The following ASAH2 variants were observed in gnomAD, a reference collection of about 807,000 sequenced individuals.
The protein encoded by ASAH2 is N-acylsphingosine amidohydrolase 2, also known as neutral ceramidase.
Under a neutral mutation model 82.9 loss-of-function variants are expected in ASAH2, and 58 were observed. That is an observed-to-expected ratio of 0.70 (90% confidence interval 0.57 to 0.87). The LOEUF is 0.87. ASAH2 is among the 40% of genes least tolerant of loss of function. ASAH2 has a pLI of 0.00. For missense variants in ASAH2, 779 were observed against 834.0 expected, an observed-to-expected ratio of 0.93 and a Z score of 0.81; for synonymous variants, 276 against 289.7, an observed-to-expected ratio of 0.95 and a Z score of 0.48.
At chr10:50,247,601 A>G (rs1450387059) in intron 2 of ASAH2, among the ~76,000 whole-genome samples, 1 of 152,162 alleles carries the variant, frequency 6.6e-6, no homozygotes, top group South Asian at 2.1e-4. Flanking sequence ...GAGAATGTGC[A>G]GGAAAAGAGA....
intron 16 of ASAH2, among the ~76,000 whole-genome samples, chr10:50,200,674 C>G (rs561907501): frequency 7.2e-5 from 11 of 152,070 alleles, no homozygotes; most frequent in African/African-American, 2.6e-4. Flanking sequence ...TTCCAGTGAT[C>G]TTGAGGGAAG....
intron 16 of ASAH2, among the ~76,000 whole-genome samples, chr10:50,202,142 A>G (rs1389089775): frequency 3.3e-5 from 5 of 152,132 alleles, no homozygotes; most frequent in African/African-American, 1.2e-4. Context: ...GTAGCAGGGC[A>G]GAGTCTACTC....
intron 2 of ASAH2, among the ~76,000 whole-genome samples, chr10:50,248,234 T>C (rs1846523343): frequency 6.6e-6 from 1 of 152,186 alleles, no homozygotes; most frequent in Non-Finnish European, 1.5e-5. Flanking sequence ...CTTAGATCAA[T>C]GGAAAAACTA....
chr10:50,236,753 A>AT (rs1416845563), intron 4 of ASAH2, among the ~76,000 whole-genome samples: 1 of 152,186 alleles, frequency 6.6e-6, no homozygotes. Context: ...AGCTGAGAAC[A>AT]TTGAATTATA....
intron 5 of ASAH2, among the ~76,000 whole-genome samples, chr10:50,234,967 T>C (rs1239969480): frequency 6.6e-6 from 1 of 152,054 alleles, no homozygotes; most frequent in Non-Finnish European, 1.5e-5. Context: ...CAAGGCAGAG[T>C]TGTTCAAACT....
intron 16 of ASAH2, among the ~76,000 whole-genome samples, chr10:50,200,367 C>T (rs1845107635): frequency 1.5e-4 from 23 of 151,022 alleles, no homozygotes; most frequent in African/African-American, 4.9e-4. Flanking sequence ...TTACCATCAC[C>T]CTCCGCATAC....
At chr10:50,247,826 T>C (rs1846508022) in intron 2 of ASAH2, among the ~76,000 whole-genome samples, 1 of 152,088 alleles carries the variant, frequency 6.6e-6, no homozygotes, top group African/African-American at 2.4e-5. Context: ...TCAAAAACTT[T>C]GTTTCCAACA....
rs990199807 is a variant in ASAH2 at position 50,217,601 on chromosome 10, G to A, written c.1014+909C>T. Among the ~76,000 whole-genome samples, 10 of 152,206 alleles carry A rather than the reference G, an allele frequency of 6.6e-5. 2 individuals carry two copies. In the East Asian group the frequency reaches 1.5e-3, roughly 24 times the overall value. On this transcript the variant is annotated intron_variant, in intron 8 of 20. Transcript: ENST00000682911. Reference sequence around the variant, plus strand: ...ATTTTTATTTTATTGGTAATAGCATGAGGCCCTCACCAGATGGAGTTGTTC... The same window carrying A: ...ATTTTTATTTTATTGGTAATAGCATAAGGCCCTCACCAGATGGAGTTGTTC...
In ASAH2 at chr10:50,235,781, A is replaced by G. The variant is rs1341451255; in HGVS notation, c.687+107T>C. 7 of 1,253,048 alleles carry G rather than the reference A, an allele frequency of 5.6e-6. No homozygotes were observed. The Admixed American group carries it at 1.0e-4, about 18-fold the overall frequency. 77.6% of individuals were successfully genotyped at this position (1,253,048 alleles called of 1,614,324 possible). On this transcript the variant is annotated intron_variant, in intron 5 of 20. Transcript: ENST00000682911. ...AGAAAGAATTGTACATGCTAATACT[A>G]TGCTCAGACCCAAATCCTATAGGGA...
intron 7 of ASAH2, among the ~76,000 whole-genome samples, chr10:50,229,982 A>G (rs1175971826): frequency 1.3e-5 from 2 of 152,156 alleles, no homozygotes; most frequent in South Asian, 4.1e-4. Flanking sequence ...AACTCCATCT[A>G]TATTTGTTCA....
chr10:50,196,114 C>T (rs1414633573), intron 18 of ASAH2, among the ~76,000 whole-genome samples: 3 of 151,596 alleles, frequency 2.0e-5, no homozygotes, highest in African/African-American at 7.2e-5. Context: ...TGAGCCATTC[C>T]CCATGTATAC....
intron 13 of ASAH2, among the ~76,000 whole-genome samples, chr10:50,205,560 T>C (rs1845271977): frequency 6.6e-6 from 1 of 152,032 alleles, no homozygotes; most frequent in Admixed American, 6.6e-5. Flanking sequence ...CAAAGGAGTG[T>C]AAAAGAAAAT....
chr10:50,205,075 A>G (rs1212242837), intron 13 of ASAH2, 120 bp from the exon 14 acceptor site: 7 of 649,882 alleles, frequency 1.1e-5, no homozygotes, highest in Non-Finnish European at 1.6e-5. Context: ...TAAATATTCT[A>G]TATGGGCATT....
intron 4 of ASAH2, among the ~76,000 whole-genome samples, chr10:50,239,490 C>T (rs1298348986): frequency 6.6e-6 from 1 of 152,150 alleles, no homozygotes; most frequent in Non-Finnish European, 1.5e-5. Flanking sequence ...TTTATTTCTG[C>T]TAATGACCGT....
chr10:50,209,363 T>G (rs1017949321), intron 12 of ASAH2, among the ~76,000 whole-genome samples: 1 of 151,772 alleles, frequency 6.6e-6, no homozygotes, highest in Non-Finnish European at 1.5e-5. Context: ...AAAAAAAATT[T>G]TTTTTGAGAC....
rs1844705928 is a variant in ASAH2, at chr10:50,184,943, G to C, written c.*2372C>G. On this transcript the variant is annotated 3_prime_UTR_variant, in exon 21 of 21. Coordinates refer to ENST00000682911, the MANE Select transcript of ASAH2 (RefSeq NM_019893.4). ...TACACAGTACTCATCAAAAAATCTA[G>C]ACCTGGAAAAGAGATTATTCAGTGC... 6.6e-6 allele frequency: 1 copy of C among 151,386 alleles called. No homozygotes were observed. Among genetic ancestry groups the C allele is most frequent in the Non-Finnish European group, 1.5e-5 (1 of 67,680 alleles). The allele number at this position is 151,386 out of a possible 1,614,324, so 9.4% of individuals were successfully genotyped here. A position where few individuals can be genotyped will look rare whatever the true frequency, so the allele number is the denominator to read the frequency against.
At chr10:50,217,446 C>A (rs1845634119) in intron 8 of ASAH2, among the ~76,000 whole-genome samples, 1 of 152,090 alleles carries the variant, frequency 6.6e-6, no homozygotes, top group African/African-American at 2.4e-5. Flanking sequence ...CCAGGCTGGT[C>A]TCGAACTCCT....
At chr10:50,236,993 A>T (rs1846177900) in intron 4 of ASAH2, among the ~76,000 whole-genome samples, 1 of 152,174 alleles carries the variant, frequency 6.6e-6, no homozygotes, top group Non-Finnish European at 1.5e-5. Context: ...AGATGCTATG[A>T]AGAAAAACAT....
At chr10:50,211,162 A>T (rs1490736192) in intron 10 of ASAH2, 28 bp from the exon 11 acceptor site, 36 of 1,543,398 alleles carry the variant, frequency 2.3e-5, no homozygotes, top group Non-Finnish European at 2.9e-5. Flanking sequence ...TTATTATTCC[A>T]AGCAAAAAGG....
Sources: gnomAD v4.1 joint callset for allele counts (sites outside exome capture counted in the v4.1 genomes callset) on GRCh38, gnomAD v4.1.1 for gene constraint, MANE v1.5 for transcripts, NCBI Gene and HGNC (gene_info 2026-07-23, HGNC 2026-07-21) for gene names.